Variants in SLC7A11 observed in about 807,000 individuals in gnomAD.
SLC7A11 encodes cystine/glutamate transporter.
In SLC7A11, 35 loss-of-function variants were observed where a neutral mutation model predicts 54.5. That is an observed-to-expected ratio of 0.64 (90% CI 0.49 to 0.85). The LOEUF (loss-of-function observed/expected upper bound fraction) is 0.85, where lower values mean the gene tolerates loss of function less well. Ranked by LOEUF, SLC7A11 falls within the 40% of genes least tolerant of loss-of-function variation. SLC7A11 has a pLI of 0.00. For missense variants in SLC7A11, 583 were observed against 618.1 expected (o/e 0.94, Z 0.60); for synonymous variants, 230 against 225.2 (o/e 1.02, Z -0.19).
intron 1 of SLC7A11, among the ~76,000 whole-genome samples, chr4:138,241,378 G>A (rs921211576): frequency 1.3e-5 from 2 of 152,112 alleles, no homozygotes; most frequent in Admixed American, 6.5e-5. Context: ...TGAACACTCC[G>A]TTCTATGTCT....
chr4:138,210,686 T>A (rs1430095332), intron 6 of SLC7A11, among the ~76,000 whole-genome samples: 3 of 151,730 alleles, frequency 2.0e-5, no homozygotes, highest in African/African-American at 7.3e-5. Context: ...AAATCAAAAC[T>A]ACAATGAGAT....
chr4:138,232,409 T>C, intron 2 of SLC7A11, 27 bp from the exon 3 acceptor site: 1 of 1,329,994 alleles, frequency 7.5e-7, no homozygotes. Flanking sequence ...ATATTTAGGT[T>C]AACCACAGGG....
Position 138,185,188 on chromosome 4 carries a change from A to G in SLC7A11, c.848T>C (p.Leu283Pro), listed in dbSNP as rs747923775. 1.2e-6 allele frequency: 2 copies of G among 1,613,026 alleles called. No homozygotes were observed. The highest frequency in any genetic ancestry group is 1.7e-6 in the Non-Finnish European group (2 of 1,179,234). ...SMAIVTIGYV[L>P]TNVAYFTTIN... ...GGTCGTAAAGTAGGCCACATTTGTC[A>G]GCACATAGCCAATGGTGACAATGGC... Residue 283 changes from leucine to proline, a missense_variant, in exon 7 of 12, where the codon CTG (leucine) becomes CCG (proline). Coordinates refer to ENST00000280612, the MANE Select transcript of SLC7A11 (RefSeq NM_014331.4).
chr4:138,208,221 C>T (rs1051757353), intron 6 of SLC7A11, among the ~76,000 whole-genome samples: 3 of 152,082 alleles, frequency 2.0e-5, no homozygotes, highest in Admixed American at 6.6e-5. Context: ...TTATTCAGAG[C>T]GTGTTGATAG....
intron 3 of SLC7A11, among the ~76,000 whole-genome samples, 164 bp from the exon 4 acceptor site, chr4:138,223,488 AC>A (rs1737867199): frequency 6.6e-6 from 1 of 152,200 alleles, no homozygotes; most frequent in African/African-American, 2.4e-5. Context: ...CCTAATGAAT[AC>A]AAATCTACAT....
chr4:138,233,094 G>A (rs1471315156), intron 2 of SLC7A11, among the ~76,000 whole-genome samples: 1 of 151,914 alleles, frequency 6.6e-6, no homozygotes, highest in African/African-American at 2.4e-5. Context: ...ATATTTTTAT[G>A]AGAAAATTGC....
At chr4:138,240,722 TGTTA>T (rs1257587995) in intron 1 of SLC7A11, among the ~76,000 whole-genome samples, 1 of 152,136 alleles carries the variant, frequency 6.6e-6, no homozygotes, top group Non-Finnish European at 1.5e-5. Flanking sequence ...CGTTAGTACT[TGTTA>T]GTTAGTGTTA....
intron 2 of SLC7A11, among the ~76,000 whole-genome samples, 179 bp downstream of exon 2, chr4:138,236,146 T>C (rs557040298): frequency 3.3e-5 from 5 of 152,292 alleles, no homozygotes; most frequent in South Asian, 2.1e-4. Flanking sequence ...AGTGATAAAA[T>C]TGCATTAAAA....
At chr4:138,231,091 T>C (rs1321769662) in intron 3 of SLC7A11, among the ~76,000 whole-genome samples, 1 of 152,022 alleles carries the variant, frequency 6.6e-6, no homozygotes, top group African/African-American at 2.4e-5. Context: ...AAAAAGAAAG[T>C]CAAATACCAT....
rs913183306 is a variant in SLC7A11 at position 138,168,804 on chromosome 4, A to G, written c.*3152T>C. 2.6e-5 allele frequency: 4 copies of G among 152,206 alleles called. No individual in the cohort carries two copies. The highest frequency in any genetic ancestry group is 4.4e-5 in the Non-Finnish European group (3 of 68,028). The allele number at this position is 152,206 out of a possible 1,614,324, so 9.4% of individuals were successfully genotyped here. Reference sequence around the variant, plus strand: ...AGGACAAATCTTTACTCTTCTAAAGAAGGACAAGAATAAGGTCTACTTTCA... The same window carrying G: ...AGGACAAATCTTTACTCTTCTAAAGGAGGACAAGAATAAGGTCTACTTTCA... On this transcript the variant is annotated 3_prime_UTR_variant, in exon 12 of 12. Coordinates refer to ENST00000280612, the MANE Select transcript of SLC7A11 (RefSeq NM_014331.4).
At chr4:138,200,001 G>C (rs1301110465) in intron 6 of SLC7A11, among the ~76,000 whole-genome samples, 3 of 152,070 alleles carry the variant, frequency 2.0e-5, no homozygotes, top group Non-Finnish European at 2.9e-5. Context: ...ACAAGACCCA[G>C]AGCAGCTAGC....
chr4:138,190,958 T>C (rs975496912), intron 6 of SLC7A11, among the ~76,000 whole-genome samples: 21 of 152,304 alleles, frequency 1.4e-4, no homozygotes, highest in Non-Finnish European at 2.9e-5. Context: ...TCACTGTCAT[T>C]TAGTGCTATG....
chr4:138,220,776 G>A (rs548041614), intron 4 of SLC7A11, among the ~76,000 whole-genome samples: 2 of 152,126 alleles, frequency 1.3e-5, no homozygotes, highest in African/African-American at 4.8e-5. Context: ...AGGGGGACAG[G>A]GGGTGGATGA....
chr4:138,196,812 A>C (rs1737147740), intron 6 of SLC7A11, among the ~76,000 whole-genome samples: 1 of 152,058 alleles, frequency 6.6e-6, no homozygotes, highest in South Asian at 2.1e-4. Context: ...GGCAACTGCC[A>C]CCACACTCAG....
rs1219694285 is a variant in SLC7A11 at position 138,171,039 on chromosome 4, T to A, written c.*917A>T. 2 of 152,116 alleles carry A rather than the reference T, an allele frequency of 1.3e-5. No homozygotes were observed. The highest frequency in any genetic ancestry group is 2.9e-5 in the Non-Finnish European group (2 of 68,006). 9.4% of individuals were successfully genotyped at this position (152,116 alleles called of 1,614,324 possible). On this transcript the variant is annotated 3_prime_UTR_variant, in exon 12 of 12. Coordinates refer to ENST00000280612, the MANE Select transcript of SLC7A11 (RefSeq NM_014331.4). ...ATATGGGACTATTATTTTGAACATCTTCTTTGTTGGTGATTTCTCTCATGT... is the reference window on the plus strand; with the variant it reads ...ATATGGGACTATTATTTTGAACATCATCTTTGTTGGTGATTTCTCTCATGT...
chr4:138,164,317 T>G lies in SLC7A11; in HGVS notation c.*7639A>C, dbSNP rs1736197274. 6.6e-6 allele frequency: 1 copy of G among 152,122 alleles called. No homozygotes were observed. The highest frequency in any genetic ancestry group is 6.6e-5 in the Admixed American group (1 of 15,262). 9.4% of individuals were successfully genotyped at this position (152,122 alleles called of 1,614,324 possible). On this transcript the variant is annotated 3_prime_UTR_variant, in exon 12 of 12. Transcript: ENST00000280612. ...ACATGCATCAAGAGTTTCCATAAGA[T>G]GAAAACAAACACACTTACTTCATAG...
At chr4:138,191,601 C>A (rs1453333415) in intron 6 of SLC7A11, among the ~76,000 whole-genome samples, 3 of 152,018 alleles carry the variant, frequency 2.0e-5, no homozygotes, top group Non-Finnish European at 2.9e-5. Context: ...AATGAAAACT[C>A]ACAACTCAGG....
chr4:138,180,062 C>T (rs1426279073), intron 10 of SLC7A11, among the ~76,000 whole-genome samples: 2 of 152,022 alleles, frequency 1.3e-5, no homozygotes. Flanking sequence ...TTCTCCAGTC[C>T]TCCAAAAGGG....
intron 6 of SLC7A11, among the ~76,000 whole-genome samples, chr4:138,213,031 T>A (rs183706490): frequency 2.6e-5 from 4 of 152,120 alleles, no homozygotes; most frequent in Admixed American, 2.6e-4. Flanking sequence ...GTCTTTTCTC[T>A]ATGCTGGTGC....
Sources: gnomAD v4.1 joint callset for allele counts (sites outside exome capture counted in the v4.1 genomes callset) on GRCh38, gnomAD v4.1.1 for gene constraint, MANE v1.5 for transcripts, NCBI Gene and HGNC (gene_info 2026-07-23, HGNC 2026-07-21) for gene names.